MLIP: variants seen among roughly 807,000 people sequenced by gnomAD.
MLIP encodes muscular LMNA-interacting protein.
Under a neutral mutation model 84.8 loss-of-function variants are expected in MLIP, and 79 were observed. The observed-to-expected ratio is 0.93, with a 90% CI of 0.78 to 1.12. The LOEUF is 1.12. Among genes scored for constraint, MLIP ranks in the 50% most tolerant of loss-of-function variants. The pLI, the probability that MLIP is intolerant of heterozygous loss-of-function variation, is 0.00. For missense variants in MLIP, 1,257 were observed against 1,160.6 expected (o/e 1.08, Z -1.21); for synonymous variants, 504 against 463.0 (o/e 1.09, Z -1.14).
At chr6:54,050,449 T>C (rs1425133571) in intron 1 of MLIP, among the ~76,000 whole-genome samples, 1 of 152,172 alleles carries the variant, frequency 6.6e-6, no homozygotes, top group Non-Finnish European at 1.5e-5. Context: ...CTTTTTTGGG[T>C]CACAGCACAT....
At chr6:54,078,571 G>A (rs942011659) in intron 1 of MLIP, among the ~76,000 whole-genome samples, 1 of 152,064 alleles carries the variant, frequency 6.6e-6, no homozygotes, top group South Asian at 2.1e-4. Context: ...GCAACAGAGA[G>A]AGACCCTGTC....
chr6:54,162,841 G>A lies in MLIP; in HGVS notation c.2499+2042G>A, dbSNP rs9370266. 8.0e-4 allele frequency among the ~76,000 whole-genome samples: 122 copies of A among 152,096 alleles called. No homozygotes were observed. In the East Asian group the frequency reaches 0.011, roughly 14 times the overall value. ...AGGGTCATTGGCACATAGACACCGT[G>A]AGCGTCCTGTACAGAGTTCCAAGGA... is the stretch of plus-strand genomic sequence containing the variant. On this transcript the variant is annotated intron_variant, in intron 8 of 13. Coordinates refer to ENST00000502396, the MANE Select transcript of MLIP (RefSeq NM_001281747.2).
intron 12 of MLIP, among the ~76,000 whole-genome samples, chr6:54,233,781 C>T (rs1188654942): frequency 6.6e-6 from 1 of 152,092 alleles, no homozygotes; most frequent in Non-Finnish European, 1.5e-5. Flanking sequence ...TACTGTCTTC[C>T]ACAATTGTTG....
chr6:54,263,119 C>G (rs1399586389), intron 13 of MLIP, among the ~76,000 whole-genome samples: 6 of 152,040 alleles, frequency 3.9e-5, no homozygotes, highest in Non-Finnish European at 8.8e-5. Context: ...AAAGGACCCA[C>G]AACTCCTCTG....
At chr6:54,059,735 T>C (rs1445557706) in intron 1 of MLIP, among the ~76,000 whole-genome samples, 1 of 152,100 alleles carries the variant, frequency 6.6e-6, no homozygotes, top group East Asian at 1.9e-4. Context: ...AAGGTTAGAA[T>C]TTTTTTTAAA....
At chr6:54,051,427 ACT>A (rs1765368296) in intron 1 of MLIP, among the ~76,000 whole-genome samples, 1 of 152,018 alleles carries the variant, frequency 6.6e-6, no homozygotes, top group Non-Finnish European at 1.5e-5. Context: ...TCAGTGGAAA[ACT>A]CAAATTTACT....
intron 1 of MLIP, chr6:54,045,549 T>G (rs987416649): frequency 6.6e-6 from 1 of 152,134 alleles, no homozygotes; most frequent in Non-Finnish European, 1.5e-5. Context: ...TTGATATGGT[T>G]TGGATTTGTG....
chr6:54,180,985 T>A (rs1037292604), intron 9 of MLIP, among the ~76,000 whole-genome samples: 7 of 152,206 alleles, frequency 4.6e-5, no homozygotes, highest in Admixed American at 2.6e-4. Context: ...TGTCTTTGAA[T>A]TATCAGGCAG....
chr6:54,181,446 A>G (rs1212611619), intron 9 of MLIP, among the ~76,000 whole-genome samples: 1 of 152,132 alleles, frequency 6.6e-6, no homozygotes, highest in African/African-American at 2.4e-5. Flanking sequence ...CTGGTCCAGA[A>G]ATGATGTCTA....
At chr6:54,132,172 G>C (rs1771434989) in intron 3 of MLIP, among the ~76,000 whole-genome samples, 1 of 152,198 alleles carries the variant, frequency 6.6e-6, no homozygotes, top group Non-Finnish European at 1.5e-5. Flanking sequence ...TGGAACAAAA[G>C]ACTGCGTTTA....
chr6:54,110,765 A>G (rs1026141997), upstream of MLIP, among the ~76,000 whole-genome samples: 11 of 152,262 alleles, frequency 7.2e-5, no homozygotes, highest in Non-Finnish European at 1.5e-4. Context: ...TGAAAGCTGA[A>G]GACTCCAATC....
Position 54,230,850 on chromosome 6 carries a change from T to C in MLIP, c.2855T>C (p.Leu952Pro). The C allele has an allele frequency of 6.2e-7, 1 of 1,614,060 alleles. No individual in the cohort carries two copies. The highest frequency in any genetic ancestry group is 8.5e-7 in the Non-Finnish European group (1 of 1,179,968). ...CTTGCCCCAGGACCCTTCAGTCATC[T>C]GTCCTTCTCCTTGAGTGATGAACAG... ...DCLAPGPFSH[L>P]SFSLSDEQEN... is the part of the protein sequence containing the mutation. Residue 952 changes from leucine (L) to proline (P), a missense_variant, in exon 12 of 14, where the codon CTG (leucine) becomes CCG (proline). Coordinates refer to ENST00000502396, the MANE Select transcript of MLIP (RefSeq NM_001281747.2).
At chr6:54,186,908 G>A (rs768611626) in intron 9 of MLIP, among the ~76,000 whole-genome samples, 8 of 152,110 alleles carry the variant, frequency 5.3e-5, no homozygotes, top group East Asian at 1.9e-4. Context: ...GCCAGGACCC[G>A]AGAGCTTAGG....
intron 3 of MLIP, among the ~76,000 whole-genome samples, 167 bp downstream of exon 3, chr6:54,125,032 C>T (rs543738304): frequency 1.3e-5 from 2 of 152,278 alleles, no homozygotes; most frequent in South Asian, 4.1e-4. Flanking sequence ...AGTGTAAACA[C>T]AGATAATAAA....
chr6:54,140,791 T>A (rs769219636), intron 4 of MLIP, among the ~76,000 whole-genome samples: 6 of 152,332 alleles, frequency 3.9e-5, no homozygotes, highest in Middle Eastern at 3.4e-3. Flanking sequence ...TTTTGATGTT[T>A]GGCTAGTGTT....
At position 54,265,932 on chromosome 6, in the gene MLIP, T is replaced by C; in HGVS notation, c.2977-18T>C. On this transcript the variant is annotated intron_variant, in intron 13 of 13. Coordinates refer to ENST00000502396, the MANE Select transcript of MLIP (RefSeq NM_001281747.2). ...TTTATTCATCTTAACCTGACTACCA[T>C]ATTCTCTTATTTTACAGCAATGAAG... 3 of 1,609,566 alleles carry C rather than the reference T, an allele frequency of 1.9e-6. No homozygotes were observed. Among genetic ancestry groups the C allele is most frequent in the Non-Finnish European group, 2.5e-6 (3 of 1,177,362 alleles).
chr6:54,230,692 T>C (rs1362022847), intron 11 of MLIP, 22 bp from the exon 12 acceptor site: 6 of 1,610,062 alleles, frequency 3.7e-6, no homozygotes, highest in East Asian at 2.2e-5. Flanking sequence ...CATCCTCTTA[T>C]GCCTTTCTTC....
In MLIP at chr6:54,137,359, C is replaced by G; in HGVS notation, c.1290C>G (p.Pro430=). 3 of 1,536,104 alleles carry G rather than the reference C, an allele frequency of 2.0e-6. No homozygotes were observed. ...ILKSNPSHQR[P]FSPASCPTFS... The stretch of plus-strand genomic sequence containing the variant: ...AGTCAAACCCTTCCCACCAAAGACC[C>G]TTTTCCCCTGCATCCTGTCCCACCT... The change falls in exon 4 of 14, where the codon CCC becomes CCG. Residue 430 remains proline (P), a synonymous_variant. Coordinates refer to ENST00000502396, the MANE Select transcript of MLIP (RefSeq NM_001281747.2).
In MLIP at chr6:54,160,332, A is replaced by G. The variant is rs759637445; in HGVS notation, c.2290-35A>G. ...TTTTCTACTCCAGTTGTATGACTAG[A>G]AGCCTCATATAAGAACTATTTCATT... On this transcript the variant is annotated intron_variant, in intron 5 of 13. Transcript: ENST00000502396. The G allele has an allele frequency of 6.2e-5, 96 of 1,559,086 alleles. No homozygotes were observed. The South Asian group carries it at 6.3e-4, about 10-fold the overall frequency.
Sources: gnomAD v4.1 joint callset for allele counts (sites outside exome capture counted in the v4.1 genomes callset) on GRCh38, gnomAD v4.1.1 for gene constraint, MANE v1.5 for transcripts, NCBI Gene and HGNC (gene_info 2026-07-23, HGNC 2026-07-21) for gene names.